RNASEH2A: variants seen among roughly 807,000 people sequenced by gnomAD.
The protein encoded by RNASEH2A is RNase H(35).
In RNASEH2A, 30 loss-of-function variants were observed where a neutral mutation model predicts 32.7. That is an observed-to-expected ratio of 0.92 (90% CI 0.69 to 1.25). RNASEH2A has a LOEUF of 1.25. RNASEH2A is among the 50% of genes most tolerant of loss of function. The pLI, the probability that RNASEH2A is intolerant of heterozygous loss-of-function variation, is 0.00. For synonymous variants in RNASEH2A, 147 were observed against 165.4 expected (o/e 0.89, Z 0.86); for missense variants, 409 against 398.1 (o/e 1.03, Z -0.23).
At chr19:12,808,754 G>A (rs1355298198) in intron 4 of RNASEH2A, among the ~76,000 whole-genome samples, 1 of 152,158 alleles carries the variant, frequency 6.6e-6, no homozygotes. Flanking sequence ...ATGAAAGAAT[G>A]GACCGTTCTG....
Position 12,807,411 on chromosome 19 carries a change from CA to C in RNASEH2A, c.324-7del. The C allele has an allele frequency of 6.2e-7, 1 of 1,614,138 alleles. No homozygotes were observed. The highest frequency in any genetic ancestry group is 1.6e-4 in the Middle Eastern group (1 of 6,062). ...ATGAGATTAACTGGGCTCTGTTCCC[CA>C]CCACAGGGTCAAATACAACCTGAAC... On this transcript the variant is annotated splice_polypyrimidine_tract_variant and splice_region_variant and intron_variant, in intron 3 of 7. Transcript: ENST00000221486.
chr19:12,807,751 G>A, intron 4 of RNASEH2A: 1 of 508,378 alleles, frequency 2.0e-6, no homozygotes, highest in Non-Finnish European at 3.6e-6. Context: ...GACCAACATG[G>A]TGAAACCCCG....
At position 12,810,421 on chromosome 19, in the gene RNASEH2A, C is replaced by CCATGGTA; in HGVS notation, c.637+19_637+25dup. 1 of 1,605,604 alleles carries CCATGGTA rather than the reference C, an allele frequency of 6.2e-7. No homozygotes were observed. The highest frequency in any genetic ancestry group is 2.2e-5 in the East Asian group (1 of 44,824). ...ACCCCAATGGTGAGCAGACACGTGACCATGGTACTAATGTTGAAATGGCCA... is the reference window on the plus strand; with the variant it reads ...ACCCCAATGGTGAGCAGACACGTGACCATGGTACATGGTACTAATGTTGAAATGGCCA... On this transcript the variant is annotated intron_variant, in intron 6 of 7. Coordinates refer to ENST00000221486, the MANE Select transcript of RNASEH2A (RefSeq NM_006397.3).
intron 6 of RNASEH2A, among the ~76,000 whole-genome samples, chr19:12,811,599 C>T (rs1440123883): frequency 6.7e-6 from 1 of 149,662 alleles, no homozygotes; most frequent in African/African-American, 2.5e-5. Context: ...GCCTTGGTGA[C>T]AAGATGAGAT....
Position 12,813,170 on chromosome 19 carries a change from A to G in RNASEH2A, c.725A>G (p.Gln242Arg). 6.2e-7 allele frequency: 1 copy of G among 1,614,080 alleles called. No individual in the cohort carries two copies. The highest frequency in any genetic ancestry group is 8.5e-7 in the Non-Finnish European group (1 of 1,179,994). ...QFVRFSWRTA[Q>R]TILEKEAEDV... ...GTCCGGTTCAGCTGGCGCACGGCCC[A>G]GACCATCCTGGAGAAAGAGGCGGAA... Residue 242 changes from glutamine to arginine, a missense_variant, in exon 7 of 8, where the codon CAG becomes CGG. Gln to Arg is a conservative substitution (Grantham distance 43). Transcript: ENST00000221486.
chr19:12,810,044 A>G (rs888738923), intron 4 of RNASEH2A, 27 bp from the exon 5 acceptor site: 2 of 1,613,876 alleles, frequency 1.2e-6, no homozygotes, highest in African/African-American at 2.7e-5. Context: ...TGTTTGTTCA[A>G]TTAATATGTG....
Position 12,812,995 on chromosome 19 carries a change from C to T in RNASEH2A, c.638-88C>T, listed in dbSNP as rs1341911511. The T allele has an allele frequency of 2.1e-5, 33 of 1,581,520 alleles. No individual in the cohort carries two copies. In the Middle Eastern group the frequency reaches 6.6e-4, roughly 31 times the overall value. On this transcript the variant is annotated intron_variant, in intron 6 of 7. Coordinates refer to ENST00000221486, the MANE Select transcript of RNASEH2A (RefSeq NM_006397.3). ...ACTCCAGCCTGGCTACAGAGTGGGA[C>T]TCCATCTCAAAGAAAAAAAAAAGAG...
At position 12,813,385 on chromosome 19, in the gene RNASEH2A, C is replaced by T. The variant is rs753371160; in HGVS notation, c.819C>T (p.Leu273=). The change falls in exon 8 of 8, where the codon CTC becomes CTT. Residue 273 remains leucine (L), a synonymous_variant. Coordinates refer to ENST00000221486, the MANE Select transcript of RNASEH2A (RefSeq NM_006397.3). ...EGLRKITSYF[L]NEGSQARPRS... is the part of the protein sequence containing the mutation. The stretch of plus-strand genomic sequence containing the variant: ...TCAGGAAGATCACATCCTACTTCCT[C>T]AATGAAGGGTCCCAAGCCCGTCCCC... 5 of 1,614,156 alleles carry T rather than the reference C, an allele frequency of 3.1e-6. No homozygotes were observed. Among genetic ancestry groups the T allele is most frequent in the East Asian group, 2.2e-5 (1 of 44,880 alleles).
intron 4 of RNASEH2A, 40 bp downstream of exon 4, chr19:12,807,546 G>C: frequency 6.6e-7 from 1 of 1,526,536 alleles, no homozygotes; most frequent in Non-Finnish European, 9.1e-7. Flanking sequence ...GTCATCTCAG[G>C]ATAAAATGGG....
chr19:12,807,431 C>T lies in RNASEH2A; in HGVS notation c.336C>T (p.Asn112=), dbSNP rs906764918. 4 of 1,614,186 alleles carry T rather than the reference C, an allele frequency of 2.5e-6. No homozygotes were observed. The South Asian group carries it at 3.3e-5, about 13-fold the overall frequency. The change falls in exon 4 of 8, where the codon AAC becomes AAT. Residue 112 remains asparagine (N), a synonymous_variant. Coordinates refer to ENST00000221486, the MANE Select transcript of RNASEH2A (RefSeq NM_006397.3). ...STSMLGRVKY[N]LNSLSHDTAT... is the part of the protein sequence containing the mutation. ...TTCCCCACCACAGGGTCAAATACAA[C>T]CTGAACTCCCTGTCACATGATACAG...
intron 5 of RNASEH2A, 27 bp downstream of exon 5, chr19:12,810,235 C>A (rs754951723): frequency 6.2e-7 from 1 of 1,614,214 alleles, no homozygotes; most frequent in South Asian, 1.1e-5. Flanking sequence ...CCATGGCTGG[C>A]TTCCACCATC....
chr19:12,813,088 A>G lies in RNASEH2A; in HGVS notation c.643A>G (p.Lys215Glu). The G allele has an allele frequency of 6.2e-7, 1 of 1,613,972 alleles. No individual in the cohort carries two copies. The highest frequency in any genetic ancestry group is 1.1e-5 in the South Asian group (1 of 91,064). ...CATTGCCCACCCTACCCCAGATCCC[A>G]AGACAAAAGCGTGGTTGAAGGAGCA... ...DYGSGYPNDPKTKAWLKEHVE... is the reference protein window; with the variant it reads ...DYGSGYPNDPETKAWLKEHVE... The change falls in exon 7 of 8, where the codon AAG becomes GAG. Residue 215 changes from lysine (K) to glutamate (E), a missense_variant. Transcript: ENST00000221486.
chr19:12,806,592 C>G lies in RNASEH2A; in HGVS notation c.-82C>G. On this transcript the variant is annotated 5_prime_UTR_variant, in exon 1 of 8. Transcript: ENST00000221486. ...GCGGATTGGCCGGAAGCAGGCGCCG[C>G]TTCGAGGCCCGCGGAAAACGCGCGC... 2 of 1,544,530 alleles carry G rather than the reference C, an allele frequency of 1.3e-6. No homozygotes were observed. The highest frequency in any genetic ancestry group is 3.9e-5 in the Admixed American group (2 of 50,982).
At position 12,810,533 on chromosome 19, in the gene RNASEH2A, T is replaced by A. The variant is rs1394700093; in HGVS notation, c.637+129T>A. ...CTTATTTTTTGTTTTTATTTGTTATTTTTGTTTATTTTTTGAGACGGAGTT... is the reference window on the plus strand; with the variant it reads ...CTTATTTTTTGTTTTTATTTGTTATATTTGTTTATTTTTTGAGACGGAGTT... On this transcript the variant is annotated intron_variant, in intron 6 of 7. Transcript: ENST00000221486. 5 of 931,022 alleles carry A rather than the reference T, an allele frequency of 5.4e-6. No individual in the cohort carries two copies. In the East Asian group the frequency reaches 1.3e-4, roughly 24 times the overall value. 57.7% of individuals were successfully genotyped at this position (931,022 alleles called of 1,614,324 possible). A position where few individuals can be genotyped will look rare whatever the true frequency, so the allele number is the denominator to read the frequency against.
Position 12,813,492 on chromosome 19 carries a change from C to T in RNASEH2A, c.*26C>T. The T allele has an allele frequency of 6.2e-7, 1 of 1,610,894 alleles. No homozygotes were observed. On this transcript the variant is annotated 3_prime_UTR_variant, in exon 8 of 8. Coordinates refer to ENST00000221486, the MANE Select transcript of RNASEH2A (RefSeq NM_006397.3). ...CAGCTGCCTCTACGCGCTCTACCTG[C>T]TTCCCCAACCCAGACATTAAAATTG...
At position 12,807,198 on chromosome 19, in the gene RNASEH2A, C is replaced by T. The variant is rs370810663; in HGVS notation, c.200-8C>T. On this transcript the variant is annotated splice_polypyrimidine_tract_variant and splice_region_variant and intron_variant, in intron 2 of 7. Coordinates refer to ENST00000221486, the MANE Select transcript of RNASEH2A (RefSeq NM_006397.3). ...GCTGTTCCCCTTCTCTTCCAAACCT[C>T]CTCCCAGACTCAAAGACCCTATTGG... The T allele has an allele frequency of 1.9e-5, 31 of 1,613,988 alleles. No individual in the cohort carries two copies. The African/African-American group carries it at 3.5e-4, about 18-fold the overall frequency.
rs889658414 is a variant in RNASEH2A at position 12,811,053 on chromosome 19, G to T, written c.637+649G>T. Among the ~76,000 whole-genome samples, 4 of 152,102 alleles carry T rather than the reference G, an allele frequency of 2.6e-5. No individual in the cohort carries two copies. The East Asian group carries it at 7.7e-4, about 29-fold the overall frequency. The stretch of plus-strand genomic sequence containing the variant: ...TGGGCTTAAGTGATCCTCCTGCCTT[G>T]GACTCCCAAATAGCTAGGATTACAG... On this transcript the variant is annotated intron_variant, in intron 6 of 7. Transcript: ENST00000221486.
chr19:12,807,527 C>T (rs1308071446), intron 4 of RNASEH2A, 21 bp downstream of exon 4: 2 of 1,596,920 alleles, frequency 1.3e-6, no homozygotes, highest in South Asian at 2.2e-5. Flanking sequence ...TGTAAGTTGT[C>T]CCCATTTGGT....
chr19:12,811,194 G>A (rs1969065627), intron 6 of RNASEH2A, among the ~76,000 whole-genome samples: 1 of 152,198 alleles, frequency 6.6e-6, no homozygotes, highest in Non-Finnish European at 1.5e-5. Flanking sequence ...CACACAGCCA[G>A]TGAGTGATAG....
Sources: allele counts gnomAD v4.1 joint callset (sites outside exome capture counted in the v4.1 genomes callset), GRCh38; gene constraint gnomAD v4.1.1; transcripts MANE v1.5; gene names NCBI Gene and HGNC (gene_info 2026-07-23, HGNC 2026-07-21).